The following STK32B variants were observed in gnomAD, a reference collection of about 807,000 sequenced individuals.
STK32B encodes the protein serine/threonine-protein kinase 32B.
A neutral mutation model predicts 52.6 loss-of-function variants in STK32B; 43 were observed. That is an observed-to-expected ratio of 0.82 (90% CI 0.64 to 1.05). The LOEUF is 1.05. STK32B is among the 50% of genes least tolerant of loss of function. The pLI is 0.00. For synonymous variants in STK32B, 238 were observed against 204.3 expected (o/e 1.17, Z -1.41); for missense variants, 621 against 534.6 (o/e 1.16, Z -1.59).
chr4:5,480,731 C>G (rs185655265), intron 11 of STK32B, among the ~76,000 whole-genome samples: 22 of 152,044 alleles, frequency 1.4e-4, no homozygotes, highest in Admixed American at 7.2e-4. Flanking sequence ...ATCCCTCCCC[C>G]CTCCACCCAC....
rs145182000 is a variant in STK32B, at chr4:5,386,329, C to T, written c.435-11878C>T. Among the ~76,000 whole-genome samples the T allele has an allele frequency of 8.9e-4, 135 of 152,188 alleles. 3 individuals are homozygous for T. In the East Asian group the frequency reaches 0.022, roughly 24 times the overall value. Reference sequence around the variant, plus strand: ...TATGTTGAATGCTGGAAAGAGCTCCCGGCTGGTGTGAGTCCAGAGCCCATG... The same window carrying T: ...TATGTTGAATGCTGGAAAGAGCTCCTGGCTGGTGTGAGTCCAGAGCCCATG... On this transcript the variant is annotated intron_variant, in intron 4 of 11. Transcript: ENST00000282908. This position sits in a 1 kb window ranked among gnomAD's most constrained non-coding sequence, Gnocchi z 4.5.
At chr4:5,486,106 G>T (rs114529776) in intron 11 of STK32B, among the ~76,000 whole-genome samples, 3,548 of 152,222 alleles carry the variant, frequency 0.023, 139 homozygotes, top group African/African-American at 0.08. Context: ...CACTACTTTC[G>T]GGGAAGCTGT....
chr4:5,124,234 T>TGTTCTAAGTTCTAA (rs1715229051), intron 1 of STK32B, among the ~76,000 whole-genome samples: 1 of 152,200 alleles, frequency 6.6e-6, no homozygotes, highest in African/African-American at 2.4e-5. Flanking sequence ...AATCTCCGGC[T>TGTTCTAAGTTCTAA]GTTCTAAGTT....
At position 5,495,795 on chromosome 4, in the gene STK32B, G is replaced by C. The variant is rs560795481; in HGVS notation, c.1107-3150G>C. Among the ~76,000 whole-genome samples, 1,109 of 152,328 alleles carry C rather than the reference G, an allele frequency of 7.3e-3. 13 individuals are homozygous for C. The highest frequency in any genetic ancestry group is 0.024 in the African/African-American group (1,000 of 41,568). On this transcript the variant is annotated intron_variant, in intron 11 of 11. Coordinates refer to ENST00000282908, the MANE Select transcript of STK32B (RefSeq NM_018401.3). Reference sequence around the variant, plus strand: ...CTGTTTGTTAGTTTTCCTTCTAACAGACAGGACCCTCAGCTGCAGATCTGT... The same window carrying C: ...CTGTTTGTTAGTTTTCCTTCTAACACACAGGACCCTCAGCTGCAGATCTGT...
At chr4:5,220,303 G>T (rs908726571) in intron 3 of STK32B, among the ~76,000 whole-genome samples, 23 of 152,210 alleles carry the variant, frequency 1.5e-4, no homozygotes, top group African/African-American at 5.5e-4. Context: ...ATAAAGACCA[G>T]AAGGACAGGG....
At chr4:5,342,319 G>A (rs1733140223) in intron 4 of STK32B, among the ~76,000 whole-genome samples, 1 of 152,168 alleles carries the variant, frequency 6.6e-6, no homozygotes, top group Non-Finnish European at 1.5e-5. Context: ...ATCAATGGTA[G>A]ACTGGATTAA....
intron 3 of STK32B, among the ~76,000 whole-genome samples, chr4:5,199,777 T>TGTTC (rs1020005275): frequency 1.1e-4 from 17 of 148,406 alleles, no homozygotes; most frequent in African/African-American, 4.2e-4. Context: ...GCCCACCTGG[T>TGTTC]GAACCCCCAC....
intron 4 of STK32B, among the ~76,000 whole-genome samples, chr4:5,387,479 G>C (rs1736334109): frequency 6.6e-6 from 1 of 152,198 alleles, no homozygotes; most frequent in Non-Finnish European, 1.5e-5. Flanking sequence ...GGTGCACCCA[G>C]GGCTTGAAGG....
At chr4:5,050,453 C>T (rs1445350976), upstream of STK32B, among the ~76,000 whole-genome samples, 2 of 152,038 alleles carry the variant, frequency 1.3e-5, no homozygotes, top group African/African-American at 2.4e-5. Context: ...TATGAGTCTC[C>T]CCGGCTTCCC....
chr4:5,361,285 T>C (rs1734530062), intron 4 of STK32B, among the ~76,000 whole-genome samples: 1 of 152,254 alleles, frequency 6.6e-6, no homozygotes, highest in African/African-American at 2.4e-5. Context: ...AACTTAAATG[T>C]ACAGATATCT....
chr4:5,067,253 C>T (rs1162697486), intron 1 of STK32B, among the ~76,000 whole-genome samples: 2 of 152,190 alleles, frequency 1.3e-5, no homozygotes, highest in Admixed American at 6.5e-5. Context: ...GAACCACCCT[C>T]ATGATTCATT....
At chr4:5,125,746 G>T (rs554687558) in intron 1 of STK32B, among the ~76,000 whole-genome samples, 1 of 152,112 alleles carries the variant, frequency 6.6e-6, no homozygotes, top group Non-Finnish European at 1.5e-5. Context: ...TCATCAAGAG[G>T]TCTGCTTCCT....
In STK32B at chr4:5,360,802, G is replaced by A. The variant is rs571372950; in HGVS notation, c.434+29409G>A. ...GCCTGGGCAACAAGAGCAAAACTCC[G>A]TCTCAAACAAACAAAAACAACAACA... is the stretch of plus-strand genomic sequence containing the variant. On this transcript the variant is annotated intron_variant, in intron 4 of 11. Transcript: ENST00000282908. Among the ~76,000 whole-genome samples, 110 of 152,180 alleles carry A rather than the reference G, an allele frequency of 7.2e-4. 1 individual carries two copies. The South Asian group carries it at 0.012, about 16-fold the overall frequency.
intron 1 of STK32B, among the ~76,000 whole-genome samples, chr4:5,064,045 C>T (rs555889042): frequency 1.3e-5 from 2 of 151,956 alleles, no homozygotes; most frequent in Admixed American, 6.6e-5. Flanking sequence ...GTCTACATGA[C>T]ATTTCTTTGT....
chr4:5,409,858 C>T (rs1402244737), intron 5 of STK32B, among the ~76,000 whole-genome samples: 3 of 151,998 alleles, frequency 2.0e-5, no homozygotes, highest in Non-Finnish European at 2.9e-5. Flanking sequence ...CAGAAGGAAG[C>T]CAAATTAAAT....
At position 5,489,624 on chromosome 4, in the gene STK32B, T is replaced by TA. The variant is rs879755049; in HGVS notation, c.1107-9321_1107-9320insA. Among the ~76,000 whole-genome samples, 307 of 152,100 alleles carry TA rather than the reference T, an allele frequency of 2.0e-3. 5 individuals are homozygous for TA. Among genetic ancestry groups the TA allele is most frequent in the Admixed American group, 0.013 (199 of 15,266 alleles). Reference sequence around the variant, plus strand: ...ACAATTTTATTTTATTTTATTTATTTTTTATTATTTTTTTTGAGATGGAGT... The same window carrying TA: ...ACAATTTTATTTTATTTTATTTATTTATTTATTATTTTTTTTGAGATGGAGT... On this transcript the variant is annotated intron_variant, in intron 11 of 11. Transcript: ENST00000282908.
chr4:5,443,209 T>C (rs914764210), intron 6 of STK32B, among the ~76,000 whole-genome samples: 1 of 147,966 alleles, frequency 6.8e-6, no homozygotes, highest in South Asian at 2.3e-4. Flanking sequence ...TTTTCCAACT[T>C]GGTTCCATTC....
At chr4:5,031,636 T>C in the STK32B span, among the ~76,000 whole-genome samples, 1 of 152,076 alleles carries the variant, frequency 6.6e-6, no homozygotes, top group Non-Finnish European at 1.5e-5. Context: ...CCATTATAAA[T>C]TTGGTGATTC....
chr4:5,439,049 G>A (rs1490260667), intron 6 of STK32B, among the ~76,000 whole-genome samples: 1 of 150,686 alleles, frequency 6.6e-6, no homozygotes, highest in Non-Finnish European at 1.5e-5. Flanking sequence ...TGTGAATAAT[G>A]CCGCAATAAA....
Sources: allele counts gnomAD v4.1 joint callset (sites outside exome capture counted in the v4.1 genomes callset), GRCh38; gene constraint gnomAD v4.1.1; non-coding constraint Gnocchi (gnomAD v3.1); transcripts MANE v1.5; gene names NCBI Gene and HGNC (gene_info 2026-07-23, HGNC 2026-07-21).